The following NALCN variants were observed in gnomAD, a reference collection of about 807,000 sequenced individuals.
NALCN encodes the protein sodium leak channel NALCN.
Under a neutral mutation model 225.3 loss-of-function variants are expected in NALCN, and 111 were observed. That is an observed-to-expected ratio of 0.49 (90% CI 0.42 to 0.58). The LOEUF (loss-of-function observed/expected upper bound fraction) is 0.58. Ranked by LOEUF, NALCN falls within the 20% of genes least tolerant of loss-of-function variation. The pLI is 0.00. For synonymous variants in NALCN, 764 were observed against 769.0 expected (o/e 0.99, Z 0.11); for missense variants, 1,378 against 2,202.4 (o/e 0.63, Z 7.49).
intron 10 of NALCN, among the ~76,000 whole-genome samples, chr13:101,269,235 TATATA>T (rs1156645902): frequency 1.3e-5 from 2 of 149,354 alleles, no homozygotes; most frequent in African/African-American, 4.9e-5. Flanking sequence ...TATATATATA[TATATA>T]TTTTAGCCTG....
At chr13:101,157,124 G>A (rs2037943175) in intron 15 of NALCN, among the ~76,000 whole-genome samples, 2 of 152,116 alleles carry the variant, frequency 1.3e-5, no homozygotes, top group South Asian at 4.1e-4. Flanking sequence ...TAATACCTGA[G>A]TACAAGTTAT....
intron 10 of NALCN, among the ~76,000 whole-genome samples, chr13:101,267,208 A>G (rs942792054): frequency 6.6e-6 from 1 of 152,232 alleles, no homozygotes; most frequent in African/African-American, 2.4e-5. Flanking sequence ...TGTAAGAGTA[A>G]GGTTAGATGT....
chr13:101,199,213 C>T (rs2040012810), intron 13 of NALCN, among the ~76,000 whole-genome samples: 1 of 151,778 alleles, frequency 6.6e-6, no homozygotes, highest in South Asian at 2.1e-4. Flanking sequence ...GGGTACAGCA[C>T]ACCAACATGG....
intron 7 of NALCN, among the ~76,000 whole-genome samples, chr13:101,317,131 A>G (rs1315809056): frequency 6.6e-6 from 1 of 152,160 alleles, no homozygotes. Context: ...TTAAATGGCT[A>G]TTTCCTGAAA....
chr13:101,286,219 GC>G (rs1231560283), intron 9 of NALCN, among the ~76,000 whole-genome samples: 2 of 152,160 alleles, frequency 1.3e-5, no homozygotes, highest in African/African-American at 4.8e-5. Flanking sequence ...GGGGAGCGTG[GC>G]AGGGACTGCC....
At chr13:101,329,706 A>G (rs2045089642) in intron 7 of NALCN, among the ~76,000 whole-genome samples, 1 of 152,162 alleles carries the variant, frequency 6.6e-6, no homozygotes, top group East Asian at 1.9e-4. Flanking sequence ...ATCATATCAA[A>G]GAAAGGAAAA....
chr13:101,210,593 T>C (rs1363006365), intron 13 of NALCN, among the ~76,000 whole-genome samples: 2 of 152,170 alleles, frequency 1.3e-5, no homozygotes, highest in East Asian at 3.9e-4. Context: ...TAAACTGGAA[T>C]TGGGGACTAT....
chr13:101,414,273 G>A (rs2047871313), intron 1 of NALCN, among the ~76,000 whole-genome samples: 1 of 152,102 alleles, frequency 6.6e-6, no homozygotes, highest in African/African-American at 2.4e-5. Context: ...ATATCCACCT[G>A]CTTACATATT....
chr13:101,120,289 G>A (rs771849833), intron 18 of NALCN, among the ~76,000 whole-genome samples: 7 of 152,136 alleles, frequency 4.6e-5, no homozygotes, highest in Non-Finnish European at 7.4e-5. Context: ...GAGCCTCTGC[G>A]TCAATATGAC....
intron 28 of NALCN, among the ~76,000 whole-genome samples, chr13:101,093,203 T>G (rs1448185819): frequency 6.6e-6 from 1 of 152,222 alleles, no homozygotes; most frequent in Non-Finnish European, 1.5e-5. Context: ...TCTGAGTGAT[T>G]CAGAAGAAAG....
intron 13 of NALCN, among the ~76,000 whole-genome samples, chr13:101,225,687 C>T (rs1307433047): frequency 6.6e-6 from 1 of 152,124 alleles, no homozygotes; most frequent in East Asian, 1.9e-4. Context: ...AGGAATGTTG[C>T]TTCTATCTCA....
chr13:101,068,225 T>C (rs76839414), intron 38 of NALCN, among the ~76,000 whole-genome samples, 192 bp from the exon 39 acceptor site: 2,060 of 152,296 alleles, frequency 0.014, 26 homozygotes, highest in South Asian at 0.059. Flanking sequence ...AGCTCCTGCC[T>C]TTCCAAAACA....
chr13:101,363,275 A>G (rs1283024765), intron 6 of NALCN, among the ~76,000 whole-genome samples: 1 of 152,174 alleles, frequency 6.6e-6, no homozygotes, highest in Non-Finnish European at 1.5e-5. Context: ...GATTCTGAAT[A>G]GCCAAAGCAA....
intron 7 of NALCN, among the ~76,000 whole-genome samples, chr13:101,338,448 A>G (rs1255113414): frequency 1.3e-5 from 2 of 152,246 alleles, no homozygotes; most frequent in African/African-American, 4.8e-5. Context: ...TTATCATCCA[A>G]TGACATTCAT....
chr13:101,119,143 G>GA lies in NALCN; in HGVS notation c.2192+5464dup, dbSNP rs919559189. ...AATTCTTAGGGGCACTTTCTTTCAG[G>GA]AAAAAAAATCCAGCTAATGTCATTT... On this transcript the variant is annotated intron_variant, in intron 18 of 43. Coordinates refer to ENST00000251127, the MANE Select transcript of NALCN (RefSeq NM_052867.4). Among the ~76,000 whole-genome samples the GA allele has an allele frequency of 1.8e-3, 278 of 151,434 alleles. 1 individual carries two copies. The highest frequency in any genetic ancestry group is 6.3e-3 in the African/African-American group (259 of 41,282).
chr13:101,233,522 A>G (rs2041433334), intron 12 of NALCN, among the ~76,000 whole-genome samples: 1 of 151,866 alleles, frequency 6.6e-6, no homozygotes, highest in Admixed American at 6.6e-5. Flanking sequence ...TTGTATTTTT[A>G]GTAGAGACGG....
At chr13:101,348,311 A>G (rs573553379) in intron 6 of NALCN, among the ~76,000 whole-genome samples, 2 of 152,236 alleles carry the variant, frequency 1.3e-5, no homozygotes, top group East Asian at 3.9e-4. Context: ...GAAAACGTCT[A>G]CCTCATAAGC....
intron 17 of NALCN, among the ~76,000 whole-genome samples, chr13:101,142,138 C>CTTTTTTTTTTTTTT (rs33925974): frequency 5.2e-5 from 5 of 97,026 alleles, no homozygotes; most frequent in African/African-American, 8.3e-5. Context: ...CATTCTATGT[C>CTTTTTTTTTTTTTT]TTTTTTTTTT....
intron 6 of NALCN, among the ~76,000 whole-genome samples, chr13:101,352,828 T>C (rs1037734744): frequency 1.3e-5 from 2 of 152,228 alleles, no homozygotes; most frequent in Admixed American, 6.5e-5. Flanking sequence ...ATTACCTTTT[T>C]TTGTTAAAAA....
Sources: allele counts gnomAD v4.1 joint callset (sites outside exome capture counted in the v4.1 genomes callset), GRCh38; gene constraint gnomAD v4.1.1; transcripts MANE v1.5; gene names NCBI Gene and HGNC (gene_info 2026-07-23, HGNC 2026-07-21).